Variants in AGL observed in about 807,000 individuals in gnomAD.
AGL encodes the protein amylo-alpha-1,6-glucosidase and 4-alpha-glucanotransferase, also known as glycogen debranching enzyme.
Under a neutral mutation model 199.3 loss-of-function variants are expected in AGL, and 128 were observed. The ratio of observed to expected loss-of-function variants is 0.64; its 90% confidence interval spans 0.56 to 0.74. AGL has a LOEUF of 0.74. Among genes scored for constraint, AGL ranks in the 30% least tolerant of loss-of-function variants. The pLI is 0.00. For missense variants in AGL, 1,809 were observed against 1,820.8 expected, an observed-to-expected ratio of 0.99 and a Z score of 0.12; for synonymous variants, 584 against 594.7, an observed-to-expected ratio of 0.98 and a Z score of 0.26.
chr1:99,911,394 A>G (rs140828592), intron 28 of AGL, among the ~76,000 whole-genome samples: 88 of 152,328 alleles, frequency 5.8e-4, no homozygotes, highest in East Asian at 3.5e-3. Context: ...AGTAATGTCT[A>G]TTAAAATAGC....
At chr1:99,909,169 T>C (rs1654545797) in intron 27 of AGL, among the ~76,000 whole-genome samples, 2 of 151,824 alleles carry the variant, frequency 1.3e-5, no homozygotes, top group South Asian at 4.2e-4. Flanking sequence ...GGGAGCACTG[T>C]CCCTAACGAC....
rs1655617105 is a variant in AGL at position 99,923,042 on chromosome 1, TTTAAGA to T, written c.*1395_*1400del. On this transcript the variant is annotated 3_prime_UTR_variant, in exon 34 of 34. Transcript: ENST00000361915. Reference sequence around the variant, plus strand: ...ATGCTTGAAAGCTCGTGTAATTTACTTTAAGATTATCTGCCTGCTCTTCTTCAAAGC... The same window carrying T: ...ATGCTTGAAAGCTCGTGTAATTTACTTTATCTGCCTGCTCTTCTTCAAAGC... 1.3e-5 allele frequency: 2 copies of T among 152,266 alleles called. No individual in the cohort carries two copies. Among genetic ancestry groups the T allele is most frequent in the East Asian group, 1.9e-4 (1 of 5,184 alleles). 9.4% of individuals were successfully genotyped at this position (152,266 alleles called of 1,614,324 possible).
chr1:99,916,283 C>T (rs1192386438), intron 31 of AGL, 127 bp from the exon 32 acceptor site: 20 of 746,492 alleles, frequency 2.7e-5, no homozygotes, highest in African/African-American at 5.3e-5. Context: ...GTACTAATGC[C>T]GAGCTTATTC....
At chr1:99,876,049 A>T (rs1452681720) in intron 10 of AGL, among the ~76,000 whole-genome samples, 1 of 152,122 alleles carries the variant, frequency 6.6e-6, no homozygotes, top group Non-Finnish European at 1.5e-5. Flanking sequence ...TAATTTTTGT[A>T]GTTTTAGTAG....
chr1:99,895,495 G>C (rs1203181567), intron 24 of AGL, among the ~76,000 whole-genome samples: 2 of 152,154 alleles, frequency 1.3e-5, no homozygotes, highest in African/African-American at 4.8e-5. Flanking sequence ...ATTTGATAAT[G>C]TTGACTCAAG....
intron 19 of AGL, 41 bp downstream of exon 19, chr1:99,884,492 TA>T: frequency 6.2e-7 from 1 of 1,600,632 alleles, no homozygotes; most frequent in Non-Finnish European, 8.6e-7. Flanking sequence ...TACTTATATT[TA>T]AAATAGTTTG....
intron 4 of AGL, among the ~76,000 whole-genome samples, chr1:99,862,766 C>G (rs1650163358): frequency 6.6e-6 from 1 of 152,100 alleles, no homozygotes; most frequent in Non-Finnish European, 1.5e-5. Context: ...ATCATGAGAA[C>G]AAGGGGGAAA....
chr1:99,862,516 T>C, intron 4 of AGL, 93 bp downstream of exon 4: 1 of 1,362,564 alleles, frequency 7.3e-7, no homozygotes, highest in Non-Finnish European at 1.0e-6. Context: ...TATTAGTCCA[T>C]TCTCTCATTG....
chr1:99,863,437 G>A (rs1003587072), intron 4 of AGL, among the ~76,000 whole-genome samples: 6 of 151,978 alleles, frequency 3.9e-5, no homozygotes, highest in African/African-American at 1.5e-4. Flanking sequence ...ACAAACATTG[G>A]TTAACCATCT....
intron 2 of AGL, chr1:99,852,738 T>C (rs779181579): frequency 4.1e-5 from 32 of 780,282 alleles, no homozygotes; most frequent in Non-Finnish European, 5.5e-5. Flanking sequence ...TTCTTCTACC[T>C]TTCTAGGTTT....
At chr1:99,855,227 G>A (rs935494985) in intron 2 of AGL, among the ~76,000 whole-genome samples, 1 of 151,806 alleles carries the variant, frequency 6.6e-6, no homozygotes, top group African/African-American at 2.4e-5. Context: ...GAAAAAGAGA[G>A]GACAAAGTAT....
At chr1:99,878,881 G>A (rs1651785776) in intron 12 of AGL, among the ~76,000 whole-genome samples, 1 of 152,108 alleles carries the variant, frequency 6.6e-6, no homozygotes. Flanking sequence ...AAAGAAATAT[G>A]CTTCTAAGAT....
chr1:99,891,890 T>G, intron 23 of AGL, 151 bp downstream of exon 23: 5 of 868,344 alleles, frequency 5.8e-6, no homozygotes, highest in Non-Finnish European at 9.3e-6. Context: ...TTAGCATCCT[T>G]TAGTCTGTGT....
upstream of AGL, among the ~76,000 whole-genome samples, chr1:99,849,872 G>A (rs1483480791): frequency 6.6e-6 from 1 of 152,214 alleles, no homozygotes; most frequent in African/African-American, 2.4e-5. Flanking sequence ...GCTCGCAGCC[G>A]GTACCGCGGG....
Position 99,860,782 on chromosome 1 carries a change from C to T in AGL, c.83-721C>T, listed in dbSNP as rs577783697. Among the ~76,000 whole-genome samples, 10 of 152,268 alleles carry T rather than the reference C, an allele frequency of 6.6e-5. No homozygotes were observed. In the South Asian group the frequency reaches 1.0e-3, roughly 16 times the overall value. ...TTGTGCACATCCCTTCCCACTTCCA[C>T]GTTCAATGTTGTCGTGTTGGTAGCT... On this transcript the variant is annotated intron_variant, in intron 2 of 33. Transcript: ENST00000361915.
chr1:99,881,016 A>G, intron 14 of AGL, 60 bp from the exon 15 acceptor site: 1 of 1,369,610 alleles, frequency 7.3e-7, no homozygotes, highest in Non-Finnish European at 1.0e-6. Context: ...ATTATGCTAT[A>G]GAATAGCACT....
chr1:99,913,498 A>C (rs978420744), intron 29 of AGL, 29 bp from the exon 30 acceptor site: 10 of 1,552,390 alleles, frequency 6.4e-6, no homozygotes, highest in Non-Finnish European at 8.9e-6. Context: ...TGAATGATTA[A>C]AACTACCATG....
rs750492389 is a variant in AGL at position 99,891,358 on chromosome 1, T to C, written c.2949+2T>C. ...TCACGATCAGGAACTATTGCTGAAGTAAGTAGAGCTATATTATCGTCCCAA... is the reference window on the plus strand; with the variant it reads ...TCACGATCAGGAACTATTGCTGAAGCAAGTAGAGCTATATTATCGTCCCAA... On this transcript the variant is annotated splice_donor_variant, in intron 22 of 33. Transcript: ENST00000361915. LOFTEE classifies it high-confidence loss of function. 2 of 1,613,508 alleles carry C rather than the reference T, an allele frequency of 1.2e-6. No individual in the cohort carries two copies. The highest frequency in any genetic ancestry group is 3.3e-5 in the Admixed American group (2 of 59,980).
At chr1:99,854,976 G>A (rs7533378) in intron 2 of AGL, among the ~76,000 whole-genome samples, 1,626 of 152,002 alleles carry the variant, frequency 0.011, 20 homozygotes, top group African/African-American at 0.038. Context: ...CAAGGCAGGC[G>A]GATCACCTGA....
Sources: allele counts gnomAD v4.1 joint callset (sites outside exome capture counted in the v4.1 genomes callset), GRCh38; gene constraint gnomAD v4.1.1; transcripts MANE v1.5; gene names NCBI Gene and HGNC (gene_info 2026-07-23, HGNC 2026-07-21).